FHOD3: variants seen among roughly 807,000 people sequenced by gnomAD.
FHOD3 encodes the protein FH1/FH2 domain-containing protein 3.
Under a neutral mutation model 173.0 loss-of-function variants are expected in FHOD3, and 90 were observed. That is an observed-to-expected ratio of 0.52 (90% CI 0.44 to 0.62). The LOEUF is 0.62. Among genes scored for constraint, FHOD3 ranks in the 20% least tolerant of loss-of-function variants. The probability of loss-of-function intolerance (pLI) is 0.00; values close to 1 mark genes in which losing one functional copy is unlikely to be tolerated. For synonymous variants in FHOD3, 828 were observed against 823.0 expected, an observed-to-expected ratio of 1.01 and a Z score of -0.10; for missense variants, 1,945 against 2,034.7, an observed-to-expected ratio of 0.96 and a Z score of 0.85.
intron 3 of FHOD3, among the ~76,000 whole-genome samples, chr18:36,382,181 T>C (rs2047824738): frequency 1.3e-5 from 2 of 152,136 alleles, no homozygotes; most frequent in African/African-American, 2.4e-5. Context: ...TCACATCTTT[T>C]GGGGAATGGG....
chr18:36,427,191 G>A (rs2065105994), intron 3 of FHOD3, among the ~76,000 whole-genome samples: 1 of 149,338 alleles, frequency 6.7e-6, no homozygotes, highest in South Asian at 2.1e-4. Flanking sequence ...CAGAAGATAG[G>A]AGCCATAGAT....
At chr18:36,480,847 C>T (rs1422412342) in intron 3 of FHOD3, among the ~76,000 whole-genome samples, 1 of 152,146 alleles carries the variant, frequency 6.6e-6, no homozygotes, top group Non-Finnish European at 1.5e-5. Flanking sequence ...GTTGCCTCCA[C>T]ATTCTTCTTG....
At chr18:36,682,770 TG>T (rs1164864425) in intron 15 of FHOD3, among the ~76,000 whole-genome samples, 8 of 152,050 alleles carry the variant, frequency 5.3e-5, no homozygotes, top group Admixed American at 4.6e-4. Context: ...TTAGTAGACA[TG>T]GGGTTTTACT....
At chr18:36,466,999 G>T (rs548866018) in intron 3 of FHOD3, among the ~76,000 whole-genome samples, 22 of 152,214 alleles carry the variant, frequency 1.4e-4, no homozygotes, top group East Asian at 1.2e-3. Flanking sequence ...ACTTATGTTT[G>T]GGGGGACCTG....
intron 3 of FHOD3, 100 bp from the exon 4 acceptor site, chr18:36,501,832 C>A: frequency 1.2e-6 from 1 of 821,474 alleles, no homozygotes; most frequent in Non-Finnish European, 1.9e-6. Context: ...GCTTTCATTA[C>A]CTTTCCAGGG....
chr18:36,332,717 T>C (rs1166925534), intron 1 of FHOD3, among the ~76,000 whole-genome samples: 1 of 152,210 alleles, frequency 6.6e-6, no homozygotes, highest in East Asian at 1.9e-4. Context: ...CCTGCCTCTA[T>C]GAACTCCCTG....
At chr18:36,711,551 C>G (rs1344697854) in intron 18 of FHOD3, 1 of 152,146 alleles carries the variant, frequency 6.6e-6, no homozygotes, top group Non-Finnish European at 1.5e-5. Context: ...CATCGTGAGT[C>G]CTCACTTCCT....
intron 3 of FHOD3, among the ~76,000 whole-genome samples, chr18:36,411,897 A>G (rs888901773): frequency 2.0e-5 from 3 of 152,230 alleles, no homozygotes; most frequent in African/African-American, 7.2e-5. Context: ...CTCTTTGGGT[A>G]GCTGCTGCTC....
intron 1 of FHOD3, among the ~76,000 whole-genome samples, chr18:36,309,262 G>A (rs975830866): frequency 3.3e-5 from 5 of 152,102 alleles, no homozygotes; most frequent in Non-Finnish European, 5.9e-5. Context: ...ATGCTGAGCC[G>A]AGGGGAAGAG....
At chr18:36,330,806 G>A (rs745946692) in intron 1 of FHOD3, among the ~76,000 whole-genome samples, 7 of 152,202 alleles carry the variant, frequency 4.6e-5, no homozygotes, top group Non-Finnish European at 8.8e-5. Context: ...GGGTCTTGGT[G>A]AATGCAGCAT....
At chr18:36,462,426 G>T (rs2052611398) in intron 3 of FHOD3, among the ~76,000 whole-genome samples, 1 of 151,864 alleles carries the variant, frequency 6.6e-6, no homozygotes, top group Non-Finnish European at 1.5e-5. Flanking sequence ...CTGCCTCCTG[G>T]GTTCACGCCA....
intron 5 of FHOD3, among the ~76,000 whole-genome samples, chr18:36,564,613 A>G (rs563603180): frequency 2.0e-5 from 3 of 152,278 alleles, no homozygotes; most frequent in East Asian, 3.9e-4. Flanking sequence ...TGTGTATTAG[A>G]TGGGAGAAGA....
intron 10 of FHOD3, among the ~76,000 whole-genome samples, chr18:36,635,011 T>C (rs983883): frequency 6.6e-6 from 1 of 152,136 alleles, no homozygotes; most frequent in Non-Finnish European, 1.5e-5. Context: ...CACTGACAAG[T>C]GTGGTGACCT....
At chr18:36,607,041 G>A (rs2032156277) in intron 8 of FHOD3, among the ~76,000 whole-genome samples, 4 of 152,148 alleles carry the variant, frequency 2.6e-5, no homozygotes, top group African/African-American at 7.2e-5. Context: ...TACAGCTTTC[G>A]CGGGCTGGAT....
chr18:36,588,267 G>A (rs2059105618), intron 6 of FHOD3, among the ~76,000 whole-genome samples: 1 of 152,164 alleles, frequency 6.6e-6, no homozygotes, highest in South Asian at 2.1e-4. Context: ...CAGAAATTCT[G>A]AGCTTAAGTA....
At chr18:36,566,084 G>C (rs1406087335) in intron 5 of FHOD3, among the ~76,000 whole-genome samples, 1 of 152,162 alleles carries the variant, frequency 6.6e-6, no homozygotes, top group East Asian at 1.9e-4. Context: ...AGGAAGAATG[G>C]ATGAGGAATT....
intron 3 of FHOD3, among the ~76,000 whole-genome samples, chr18:36,384,157 C>G (rs1054183495): frequency 6.6e-6 from 1 of 152,014 alleles, no homozygotes; most frequent in Non-Finnish European, 1.5e-5. Context: ...AACCCCAGCA[C>G]TTTGGGAGGT....
intron 28 of FHOD3, among the ~76,000 whole-genome samples, chr18:36,773,194 T>A (rs1478419735): frequency 6.6e-6 from 1 of 152,148 alleles, no homozygotes; most frequent in East Asian, 1.9e-4. Flanking sequence ...GGTTTCACTT[T>A]TAGACAAATC....
chr18:36,298,085 GC>G, intron 1 of FHOD3, 85 bp downstream of exon 1: 4 of 1,259,384 alleles, frequency 3.2e-6, no homozygotes, highest in Non-Finnish European at 4.2e-6. Context: ...GGCTTCGTGG[GC>G]CCCCTGGGCT....
Sources: gnomAD v4.1 joint callset for allele counts (sites outside exome capture counted in the v4.1 genomes callset) on GRCh38, gnomAD v4.1.1 for gene constraint, MANE v1.5 for transcripts, NCBI Gene and HGNC (gene_info 2026-07-23, HGNC 2026-07-21) for gene names.